NKD1: variants seen among roughly 807,000 people sequenced by gnomAD.
NKD1 encodes the protein protein naked cuticle homolog 1.
NKD1 carries 21 observed loss-of-function variants against 56.0 expected under a neutral mutation model. That is an observed-to-expected ratio of 0.38 (90% CI 0.27 to 0.54). The LOEUF (loss-of-function observed/expected upper bound fraction) is 0.54. NKD1 is among the 20% of genes least tolerant of loss of function. The pLI is 0.82. For missense variants in NKD1, 578 were observed against 642.7 expected (o/e 0.90, Z 1.09); for synonymous variants, 263 against 265.7 (o/e 0.99, Z 0.10).
intron 4 of NKD1, among the ~76,000 whole-genome samples, chr16:50,620,325 G>C (rs767332582): frequency 5.3e-5 from 8 of 152,238 alleles, no homozygotes; most frequent in Non-Finnish European, 1.0e-4. Flanking sequence ...GCTGGGGTGT[G>C]TGAGTGTGGT....
At chr16:50,573,149 C>A (rs1960920093) in intron 3 of NKD1, among the ~76,000 whole-genome samples, 1 of 152,218 alleles carries the variant, frequency 6.6e-6, no homozygotes, top group Non-Finnish European at 1.5e-5. Context: ...ATCATTCCCT[C>A]CAAGAAGAAA....
chr16:50,580,854 C>T (rs1009615915), intron 3 of NKD1, among the ~76,000 whole-genome samples: 5 of 152,224 alleles, frequency 3.3e-5, no homozygotes, highest in African/African-American at 4.8e-5. Flanking sequence ...AACCCTGTTT[C>T]TCATTTTTCT....
chr16:50,642,098 G>A lies in NKD1; in HGVS notation c.*8317G>A, dbSNP rs886885611. 5 of 152,254 alleles carry A rather than the reference G, an allele frequency of 3.3e-5. No homozygotes were observed. The highest frequency in any genetic ancestry group is 7.3e-5 in the Non-Finnish European group (5 of 68,054). 9.4% of individuals were successfully genotyped at this position (152,254 alleles called of 1,614,324 possible). ...AAGCAAAGCAAGAAATGGGAAAGGA[G>A]TTTGTTACATATCAGGCTTCCTGGA... On this transcript the variant is annotated 3_prime_UTR_variant, in exon 10 of 10. Coordinates refer to ENST00000268459, the MANE Select transcript of NKD1 (RefSeq NM_033119.5).
At chr16:50,610,869 C>T (rs1423715050) in intron 4 of NKD1, among the ~76,000 whole-genome samples, 2 of 152,166 alleles carry the variant, frequency 1.3e-5, no homozygotes, top group Non-Finnish European at 2.9e-5. Context: ...GGGGAAAGAA[C>T]AAAGTAAACA....
chr16:50,551,099 C>T (rs1435349088), intron 3 of NKD1, among the ~76,000 whole-genome samples: 2 of 152,114 alleles, frequency 1.3e-5, no homozygotes, highest in South Asian at 2.1e-4. Context: ...GGTGGGTCTC[C>T]TTGGCATCCA....
rs780379458 is a variant in NKD1 at position 50,549,406 on chromosome 16, G to A, written c.59-16G>A. ...CTGGAGCCAGACTCAGGGGCTTCAT[G>A]TCGTCCCCGTCCCAGGTGACAGCTT... is the stretch of plus-strand genomic sequence containing the variant. On this transcript the variant is annotated splice_polypyrimidine_tract_variant and intron_variant, in intron 2 of 9. Transcript: ENST00000268459. The A allele has an allele frequency of 1.9e-5, 31 of 1,609,184 alleles. No homozygotes were observed. The South Asian group carries it at 3.0e-4, about 15-fold the overall frequency.
At chr16:50,594,731 T>C (rs1202473767) in intron 3 of NKD1, among the ~76,000 whole-genome samples, 7 of 150,782 alleles carry the variant, frequency 4.6e-5, no homozygotes, top group East Asian at 2.0e-4. Context: ...TCTGCAGACA[T>C]AGCCCTAGGG....
chr16:50,648,746 A>G lies in NKD1; in HGVS notation c.*14965A>G, dbSNP rs1004147802. On this transcript the variant is annotated 3_prime_UTR_variant, in exon 10 of 10. Coordinates refer to ENST00000268459, the MANE Select transcript of NKD1 (RefSeq NM_033119.5). ...TAGTCAACAGTAAGTGTCATGTAGC[A>G]GCTCCTGGGAATCTCCTTTAAAAAG... The G allele has an allele frequency of 2.6e-5, 4 of 152,226 alleles. No homozygotes were observed. The highest frequency in any genetic ancestry group is 4.4e-5 in the Non-Finnish European group (3 of 68,038). The allele number at this position is 152,226 out of a possible 1,614,324, so 9.4% of individuals were successfully genotyped here.
intron 5 of NKD1, among the ~76,000 whole-genome samples, chr16:50,622,147 G>C (rs1315724500): frequency 6.6e-6 from 1 of 152,188 alleles, no homozygotes; most frequent in East Asian, 1.9e-4. Flanking sequence ...ACGCTCTCTG[G>C]GCCTGAGTTT....
At chr16:50,628,364 C>T (rs751934119) in intron 6 of NKD1, among the ~76,000 whole-genome samples, 1 of 152,226 alleles carries the variant, frequency 6.6e-6, no homozygotes, top group African/African-American at 2.4e-5. Flanking sequence ...ACCCACATGC[C>T]TGCCTGGCTG....
Position 50,630,265 on chromosome 16 carries a change from T to C in NKD1, c.542T>C (p.Leu181Pro). 1 of 1,614,146 alleles carries C rather than the reference T, an allele frequency of 6.2e-7. No individual in the cohort carries two copies. Among genetic ancestry groups the C allele is most frequent in the Non-Finnish European group, 8.5e-7 (1 of 1,179,992 alleles). The change falls in exon 7 of 10, where the codon CTG becomes CCG. Residue 181 changes from leucine (L) to proline (P), a missense_variant. Physicochemically the swap from Leu to Pro is moderately conservative, Grantham distance 98. Transcript: ENST00000268459. ...VNHSPTSSKM[L>P]RVKLTVAPDG... ...CACTCCCCAACATCCAGCAAGATGC[T>C]GCGGGTAAAGCTCACCGTGGCCCCC...
Position 50,633,321 on chromosome 16 carries a change from T to C in NKD1, c.953T>C (p.Phe318Ser). 1 of 1,614,090 alleles carries C rather than the reference T, an allele frequency of 6.2e-7. No individual in the cohort carries two copies. Among genetic ancestry groups the C allele is most frequent in the South Asian group, 1.1e-5 (1 of 91,082 alleles). Residue 318 changes from phenylalanine to serine, a missense_variant, in exon 10 of 10, where the codon TTC (phenylalanine) becomes TCC (serine). By Grantham distance (155) the Phe-to-Ser change is radical (BLOSUM62 -2). Coordinates refer to ENST00000268459, the MANE Select transcript of NKD1 (RefSeq NM_033119.5). This position sits in a 1 kb window ranked among gnomAD's most constrained non-coding sequence, Gnocchi z 4.9. The stretch of plus-strand genomic sequence containing the variant: ...CCCCAAGGCGTGGACCCGGCCTCCT[T>C]CCACTTCCTTGACACCCCAATCGCC... ...RKPQGVDPAS[F>S]HFLDTPIAKV...
rs1026425950 is a variant in NKD1 at position 50,548,459 on chromosome 16, G to T, written c.-95G>T. The T allele has an allele frequency of 3.3e-6, 3 of 922,458 alleles. No homozygotes were observed. Among genetic ancestry groups the T allele is most frequent in the Non-Finnish European group, 4.3e-6 (3 of 700,384 alleles). 57.1% of individuals were successfully genotyped at this position (922,458 alleles called of 1,614,324 possible). A position where few individuals can be genotyped will look rare whatever the true frequency, so the allele number is the denominator to read the frequency against. The stretch of plus-strand genomic sequence containing the variant: ...CGCCGCCTCGGGCTCCGCTCGGCTC[G>T]GGGGCTGCTTCGGGAGGAGGAGAGC... On this transcript the variant is annotated 5_prime_UTR_variant, in exon 1 of 10. Coordinates refer to ENST00000268459, the MANE Select transcript of NKD1 (RefSeq NM_033119.5).
chr16:50,621,940 G>A (rs770320386), intron 5 of NKD1, among the ~76,000 whole-genome samples: 4 of 152,218 alleles, frequency 2.6e-5, no homozygotes, highest in African/African-American at 7.2e-5. Flanking sequence ...CCCTCCATGC[G>A]GGCTGTGCCC....
intron 3 of NKD1, 32 bp downstream of exon 3, chr16:50,549,587 G>T (rs1416314538): frequency 6.5e-7 from 1 of 1,533,380 alleles, no homozygotes; most frequent in Admixed American, 1.9e-5. Context: ...CCACCTCCTG[G>T]CCTCCTTTCA....
At position 50,635,762 on chromosome 16, in the gene NKD1, TC is replaced by T. The variant is rs1962452684; in HGVS notation, c.*1984del. 1 of 152,272 alleles carries T rather than the reference TC, an allele frequency of 6.6e-6. No individual in the cohort carries two copies. Among genetic ancestry groups the T allele is most frequent in the Non-Finnish European group, 1.5e-5 (1 of 68,080 alleles). 9.4% of individuals were successfully genotyped at this position (152,272 alleles called of 1,614,324 possible). A position where few individuals can be genotyped will look rare whatever the true frequency, so the allele number is the denominator to read the frequency against. ...GCTGGAATTCTGGTCTCCCACTCGATCCCTTCGCCACTGGTGCAGAGCTTAA... is the reference window on the plus strand; with the variant it reads ...GCTGGAATTCTGGTCTCCCACTCGATCCTTCGCCACTGGTGCAGAGCTTAA... On this transcript the variant is annotated 3_prime_UTR_variant, in exon 10 of 10. Coordinates refer to ENST00000268459, the MANE Select transcript of NKD1 (RefSeq NM_033119.5). The surrounding 1 kb of genome is among the most constrained non-coding windows in gnomAD (Gnocchi z 4.1).
chr16:50,548,976 C>A, intron 2 of NKD1: 2 of 961,234 alleles, frequency 2.1e-6, no homozygotes, highest in Non-Finnish European at 1.2e-6. Flanking sequence ...CAACCCCTCC[C>A]CCTCCCGCGT....
At chr16:50,608,574 C>A in intron 4 of NKD1, 1 of 589,422 alleles carries the variant, frequency 1.7e-6, no homozygotes, top group South Asian at 1.9e-5. Flanking sequence ...GGTGGGGGTC[C>A]GGTCACCTAG....
chr16:50,592,704 G>A (rs545321520), intron 3 of NKD1, among the ~76,000 whole-genome samples: 1 of 151,864 alleles, frequency 6.6e-6, no homozygotes, highest in Non-Finnish European at 1.5e-5. Context: ...GCTTCTCTGA[G>A]ACTGGAAGAA....
Sources: gnomAD v4.1 joint callset for allele counts (sites outside exome capture counted in the v4.1 genomes callset) on GRCh38, gnomAD v4.1.1 for gene constraint, Gnocchi (gnomAD v3.1) non-coding constraint, MANE v1.5 for transcripts, NCBI Gene and HGNC (gene_info 2026-07-23, HGNC 2026-07-21) for gene names.